The following EPHB1 variants were observed in gnomAD, a reference collection of about 807,000 sequenced individuals.
The protein encoded by EPHB1 is ephrin type-B receptor 1.
Under a neutral mutation model 94.4 loss-of-function variants are expected in EPHB1, and 30 were observed. The observed-to-expected ratio is 0.32, with a 90% CI of 0.24 to 0.43. The LOEUF (loss-of-function observed/expected upper bound fraction) is 0.43, where lower values mean the gene tolerates loss of function less well. Among genes scored for constraint, EPHB1 ranks in the 20% least tolerant of loss-of-function variants. The pLI, the probability that EPHB1 is intolerant of heterozygous loss-of-function variation, is 1.00. For missense variants in EPHB1, 1,055 were observed against 1,308.3 expected, an observed-to-expected ratio of 0.81 and a Z score of 2.99; for synonymous variants, 522 against 489.1, an observed-to-expected ratio of 1.07 and a Z score of -0.89.
intron 3 of EPHB1, among the ~76,000 whole-genome samples, chr3:135,087,820 G>T (rs1044076340): frequency 6.6e-6 from 1 of 152,120 alleles, no homozygotes; most frequent in African/African-American, 2.4e-5. Context: ...CTGCCCAAGG[G>T]TCCTGTGGAA....
chr3:134,860,798 C>CA (rs10666494), intron 1 of EPHB1, among the ~76,000 whole-genome samples: 8,518 of 93,602 alleles, frequency 0.091, 569 homozygotes, highest in African/African-American at 0.15. Context: ...GGCCAGGTGA[C>CA]AAAAAAAAAA....
intron 1 of EPHB1, among the ~76,000 whole-genome samples, chr3:134,854,356 T>C (rs2037063098): frequency 6.6e-6 from 1 of 152,102 alleles, no homozygotes; most frequent in Non-Finnish European, 1.5e-5. Flanking sequence ...TGTGTCCTGG[T>C]CTTAATCCTC....
chr3:135,005,073 TC>T (rs1202067449), intron 3 of EPHB1, among the ~76,000 whole-genome samples: 1 of 152,244 alleles, frequency 6.6e-6, no homozygotes. Flanking sequence ...TTCTGTTTTT[TC>T]CCCATCTTTG....
chr3:134,846,955 C>T (rs1380009366), intron 1 of EPHB1, among the ~76,000 whole-genome samples: 1 of 152,190 alleles, frequency 6.6e-6, no homozygotes, highest in Non-Finnish European at 1.5e-5. Context: ...AGAATGATTT[C>T]ATTTCCTTCG....
intron 11 of EPHB1, among the ~76,000 whole-genome samples, chr3:135,193,076 C>T (rs748486466): frequency 1.3e-5 from 2 of 152,122 alleles, no homozygotes; most frequent in Non-Finnish European, 2.9e-5. Flanking sequence ...TAGAGAGGGA[C>T]AAAGAATGGC....
intron 1 of EPHB1, among the ~76,000 whole-genome samples, chr3:134,899,856 A>G (rs892446349): frequency 1.3e-5 from 2 of 152,170 alleles, no homozygotes; most frequent in Non-Finnish European, 2.9e-5. Flanking sequence ...CTCCAGGAAA[A>G]GGGCTTTCCA....
At chr3:134,843,035 C>T (rs975484265) in intron 1 of EPHB1, among the ~76,000 whole-genome samples, 2 of 151,998 alleles carry the variant, frequency 1.3e-5, no homozygotes, top group Non-Finnish European at 2.9e-5. Context: ...CATTTCTTTT[C>T]ATCTTGAATA....
At chr3:134,805,722 C>G (rs939396725) in intron 1 of EPHB1, among the ~76,000 whole-genome samples, 1 of 152,166 alleles carries the variant, frequency 6.6e-6, no homozygotes, top group African/African-American at 2.4e-5. Flanking sequence ...CCTGCTTGCT[C>G]TGTTTGTGTT....
chr3:135,008,912 T>C (rs2107747643), intron 3 of EPHB1, among the ~76,000 whole-genome samples: 1 of 152,288 alleles, frequency 6.6e-6, no homozygotes, highest in African/African-American at 2.4e-5. Context: ...GGAACACAAC[T>C]CACATGTCTG....
intron 1 of EPHB1, among the ~76,000 whole-genome samples, chr3:134,869,662 T>C (rs1229478414): frequency 6.6e-6 from 1 of 152,326 alleles, no homozygotes; most frequent in Non-Finnish European, 1.5e-5. Context: ...CTAAAGCAAT[T>C]TGAGTGCAAA....
chr3:135,129,736 G>A (rs1349880688), intron 4 of EPHB1, among the ~76,000 whole-genome samples: 1 of 152,234 alleles, frequency 6.6e-6, no homozygotes, highest in Non-Finnish European at 1.5e-5. Flanking sequence ...GGGAGATCAT[G>A]ACTGCTGGGC....
intron 2 of EPHB1, among the ~76,000 whole-genome samples, chr3:134,927,247 GACAGTTATCTCACCTGTGC>G (rs1354639282): frequency 6.6e-6 from 1 of 152,242 alleles, no homozygotes; most frequent in Non-Finnish European, 1.5e-5. Context: ...TCACAGGGCA[GACAGTTATCTCACCTGTGC>G]ATTCTCCACT....
At chr3:135,005,557 C>T (rs1007578853) in intron 3 of EPHB1, among the ~76,000 whole-genome samples, 5 of 152,236 alleles carry the variant, frequency 3.3e-5, no homozygotes, top group African/African-American at 1.2e-4. Context: ...CTCCCCCAGC[C>T]TCGCTGCTGC....
rs1389706348 is a variant in EPHB1 at position 135,192,796 on chromosome 3, G to C, written c.2103G>C (p.Glu701Asp). Residue 701 changes from glutamate to aspartate, a missense_variant, in exon 11 of 16, where the codon GAG (glutamate) becomes GAC (aspartate). Transcript: ENST00000398015. ...TCATGATCATCACAGAGTTCATGGA[G>C]AATGGTGCATTGGATTCTTTCCTCA... ...RPVMIITEFM[E>D]NGALDSFLRQ... 1.9e-6 allele frequency: 3 copies of C among 1,614,180 alleles called. No homozygotes were observed. In the South Asian group the frequency reaches 3.3e-5, roughly 18 times the overall value.
chr3:135,051,621 C>A (rs901293992), intron 3 of EPHB1, among the ~76,000 whole-genome samples: 3 of 152,196 alleles, frequency 2.0e-5, no homozygotes, highest in Admixed American at 6.5e-5. Context: ...GAAAAGATGA[C>A]AACAGCAGGA....
At position 134,986,711 on chromosome 3, in the gene EPHB1, A is replaced by AACACAC. The variant is rs60628273; in HGVS notation, c.805+34687_805+34692dup. ...TATAAACTTTTGATTTAAAGATATT[A>AACACAC]ACACACACACACACACACACACACA... On this transcript the variant is annotated intron_variant, in intron 3 of 15. Transcript: ENST00000398015. Among the ~76,000 whole-genome samples the AACACAC allele has an allele frequency of 7.8e-3, 1,141 of 145,702 alleles. 15 individuals are homozygous for AACACAC. Among genetic ancestry groups the AACACAC allele is most frequent in the Middle Eastern group, 0.031 (9 of 290 alleles).
chr3:135,061,470 T>G (rs1474264480), intron 3 of EPHB1, among the ~76,000 whole-genome samples: 1 of 151,016 alleles, frequency 6.6e-6, no homozygotes, highest in Non-Finnish European at 1.5e-5. Flanking sequence ...CAATGTTTGG[T>G]TTTCCATTCC....
intron 1 of EPHB1, among the ~76,000 whole-genome samples, chr3:134,916,817 C>T (rs952216205): frequency 4.6e-5 from 7 of 152,196 alleles, no homozygotes; most frequent in Admixed American, 1.3e-4. Context: ...CAAGGTGCAG[C>T]GGCAGGCTGA....
At chr3:134,963,590 A>C (rs956469987) in intron 3 of EPHB1, among the ~76,000 whole-genome samples, 1 of 152,164 alleles carries the variant, frequency 6.6e-6, no homozygotes, top group African/African-American at 2.4e-5. Flanking sequence ...TTAAATCCTC[A>C]CAGAGCTTTA....
Sources: allele counts gnomAD v4.1 joint callset (sites outside exome capture counted in the v4.1 genomes callset), GRCh38; gene constraint gnomAD v4.1.1; transcripts MANE v1.5; gene names NCBI Gene and HGNC (gene_info 2026-07-23, HGNC 2026-07-21).